Variants in CDH18 observed in about 807,000 individuals in gnomAD.
CDH18 encodes the protein cadherin-18.
Under a neutral mutation model 67.9 loss-of-function variants are expected in CDH18, and 31 were observed. The observed-to-expected ratio is 0.46, with a 90% CI of 0.34 to 0.62. The LOEUF (loss-of-function observed/expected upper bound fraction) is 0.62. Ranked by LOEUF, CDH18 falls within the 20% of genes least tolerant of loss-of-function variation. The pLI is 0.01. For synonymous variants in CDH18, 362 were observed against 347.2 expected (o/e 1.04, Z -0.48); for missense variants, 890 against 975.5 (o/e 0.91, Z 1.17).
chr5:19,794,498 A>G (rs1776660486), intron 3 of CDH18, among the ~76,000 whole-genome samples: 4 of 152,102 alleles, frequency 2.6e-5, no homozygotes, highest in Non-Finnish European at 5.9e-5. Flanking sequence ...GACAGAAGAT[A>G]ATGGGATTTC....
At chr5:20,249,240 A>C (rs912084558) in intron 2 of CDH18, among the ~76,000 whole-genome samples, 18 of 152,132 alleles carry the variant, frequency 1.2e-4, no homozygotes, top group African/African-American at 4.3e-4. Flanking sequence ...CTTCATCAAA[A>C]TAGTGTAAGT....
At chr5:19,999,611 T>A (rs1455615669) in intron 2 of CDH18, among the ~76,000 whole-genome samples, 1 of 152,026 alleles carries the variant, frequency 6.6e-6, no homozygotes, top group Non-Finnish European at 1.5e-5. Flanking sequence ...TCAAAAATAA[T>A]AATAATATTA....
rs553679245 is a variant in CDH18, at chr5:19,550,872, TC to T, written c.1254-6868del. On this transcript the variant is annotated intron_variant, in intron 8 of 12. Transcript: ENST00000382275. ...CCACAATGGTTGAACTAGTTTACAT[TC>T]CCACCAACAGTGTAAAAGTGTTCCT... Among the ~76,000 whole-genome samples the T allele has an allele frequency of 1.7e-4, 26 of 152,306 alleles. No homozygotes were observed. In the South Asian group the frequency reaches 5.0e-3, roughly 29 times the overall value.
chr5:20,389,678 A>T (rs1744664106), intron 1 of CDH18, among the ~76,000 whole-genome samples: 1 of 152,136 alleles, frequency 6.6e-6, no homozygotes, highest in Non-Finnish European at 1.5e-5. Flanking sequence ...CCGCATCGCC[A>T]AGTCAATCCT....
chr5:19,532,984 G>A (rs1474635270), intron 9 of CDH18, among the ~76,000 whole-genome samples: 1 of 152,144 alleles, frequency 6.6e-6, no homozygotes, highest in African/African-American at 2.4e-5. Context: ...AGACCTCCAG[G>A]AGGAGATATT....
intron 2 of CDH18, among the ~76,000 whole-genome samples, chr5:19,876,245 A>G (rs1207971541): frequency 6.6e-6 from 1 of 152,162 alleles, no homozygotes; most frequent in African/African-American, 2.4e-5. Context: ...GGACAATAAC[A>G]TTTTGATAAC....
At chr5:20,142,351 G>T (rs1342822834) in intron 2 of CDH18, among the ~76,000 whole-genome samples, 1 of 152,040 alleles carries the variant, frequency 6.6e-6, no homozygotes, top group Non-Finnish European at 1.5e-5. Flanking sequence ...AGGCTGAGGT[G>T]GGCGGATCAC....
At chr5:20,550,986 C>G (rs916789995) in intron 1 of CDH18, among the ~76,000 whole-genome samples, 1 of 152,028 alleles carries the variant, frequency 6.6e-6, no homozygotes, top group Non-Finnish European at 1.5e-5. Flanking sequence ...CTCCCATGAA[C>G]TAATAATAGA....
chr5:20,424,928 C>A (rs1187223720), intron 1 of CDH18, among the ~76,000 whole-genome samples: 1 of 150,352 alleles, frequency 6.7e-6, no homozygotes, highest in Non-Finnish European at 1.5e-5. Context: ...GTTGGCAGAG[C>A]ACCAGAAGAG....
rs116151660 is a variant in CDH18, at chr5:19,776,826, T to A, written c.229-29590A>T. Among the ~76,000 whole-genome samples the A allele has an allele frequency of 4.0e-3, 613 of 152,262 alleles. 2 individuals are homozygous for A. Among genetic ancestry groups the A allele is most frequent in the African/African-American group, 0.014 (592 of 41,562 alleles). On this transcript the variant is annotated intron_variant, in intron 3 of 12. Coordinates refer to ENST00000382275, the MANE Select transcript of CDH18 (RefSeq NM_004934.5). ...TTCCATAAGTTTTGGTTTTCTCATT[T>A]GAAAAGTAGAAATAATAAGAACTAA...
chr5:20,020,372 T>C (rs1738298090), intron 2 of CDH18, among the ~76,000 whole-genome samples: 1 of 152,138 alleles, frequency 6.6e-6, no homozygotes, highest in Admixed American at 6.6e-5. Flanking sequence ...TGAACGTTAA[T>C]AGCTAAGACA....
intron 2 of CDH18, among the ~76,000 whole-genome samples, chr5:20,075,693 A>AG (rs1472183175): frequency 1.3e-5 from 2 of 152,334 alleles, no homozygotes; most frequent in African/African-American, 4.8e-5. Flanking sequence ...ATAAGATTCA[A>AG]GGTGGGACAG....
At chr5:20,253,627 T>C (rs1744021392) in intron 2 of CDH18, among the ~76,000 whole-genome samples, 2 of 152,280 alleles carry the variant, frequency 1.3e-5, no homozygotes, top group Admixed American at 6.5e-5. Flanking sequence ...AACAGTAGAA[T>C]TGACCAAACC....
At chr5:20,286,806 G>T (rs1232271875) in intron 1 of CDH18, among the ~76,000 whole-genome samples, 12 of 151,828 alleles carry the variant, frequency 7.9e-5, no homozygotes, top group Admixed American at 3.3e-4. Context: ...CTGTTAAGGG[G>T]ATACTGTGTA....
intron 2 of CDH18, among the ~76,000 whole-genome samples, chr5:20,073,501 T>G (rs1271596748): frequency 6.6e-6 from 1 of 152,080 alleles, no homozygotes; most frequent in Non-Finnish European, 1.5e-5. Flanking sequence ...ACTGGGCCAG[T>G]GAAATTGTGC....
chr5:20,521,173 A>G (rs1466711241), intron 1 of CDH18, among the ~76,000 whole-genome samples: 2 of 152,118 alleles, frequency 1.3e-5, no homozygotes, highest in Non-Finnish European at 2.9e-5. Context: ...CTGAGTTGGG[A>G]GGTGTGAGGT....
intron 5 of CDH18, among the ~76,000 whole-genome samples, chr5:19,653,233 C>G (rs1210980531): frequency 6.6e-6 from 1 of 151,948 alleles, no homozygotes; most frequent in East Asian, 1.9e-4. Context: ...AGTTCTGAAC[C>G]AGGGTAGTCA....
chr5:20,453,279 G>T lies in CDH18; in HGVS notation c.-580+122183C>A, dbSNP rs1173755776. 4.6e-5 allele frequency among the ~76,000 whole-genome samples: 7 copies of T among 152,082 alleles called. No individual in the cohort carries two copies. In the East Asian group the frequency reaches 1.3e-3, roughly 29 times the overall value. On this transcript the variant is annotated intron_variant, in intron 1 of 14. Transcript: ENST00000507958. ...TGTCCTAACTACTTTAAGCTGCCCC[G>T]TCACTTTTATCTGACTGTGTTTTAA... is the stretch of plus-strand genomic sequence containing the variant.
At chr5:19,599,210 C>A (rs375394689) in intron 6 of CDH18, among the ~76,000 whole-genome samples, 1 of 151,738 alleles carries the variant, frequency 6.6e-6, no homozygotes, top group South Asian at 2.1e-4. Flanking sequence ...ATATAATAGA[C>A]GCAACATATT....
Sources: allele counts gnomAD v4.1 joint callset (sites outside exome capture counted in the v4.1 genomes callset), GRCh38; gene constraint gnomAD v4.1.1; transcripts MANE v1.5; gene names NCBI Gene and HGNC (gene_info 2026-07-23, HGNC 2026-07-21).